CCDC175: variants seen among roughly 807,000 people sequenced by gnomAD.
CCDC175 encodes coiled-coil domain containing 175.
A neutral mutation model predicts 114.6 loss-of-function variants in CCDC175; 100 were observed. That is an observed-to-expected ratio of 0.87 (90% CI 0.74 to 1.03). The LOEUF (loss-of-function observed/expected upper bound fraction) is 1.03, where lower values mean the gene tolerates loss of function less well. Ranked by LOEUF, CCDC175 falls within the 50% of genes least tolerant of loss-of-function variation. The pLI, the probability that CCDC175 is intolerant of heterozygous loss-of-function variation, is 0.00. For missense variants in CCDC175, 880 were observed against 917.8 expected (o/e 0.96, Z 0.53); for synonymous variants, 306 against 308.7 (o/e 0.99, Z 0.09).
chr14:59,513,678 C>T (rs1483810745), intron 17 of CCDC175, among the ~76,000 whole-genome samples: 3 of 152,182 alleles, frequency 2.0e-5, no homozygotes, highest in Non-Finnish European at 2.9e-5. Flanking sequence ...GAAGCTCAAA[C>T]TGGGTAGAGC....
intron 13 of CCDC175, among the ~76,000 whole-genome samples, chr14:59,533,644 GAAGC>G (rs1566608765): frequency 1.3e-5 from 2 of 152,140 alleles, no homozygotes; most frequent in Non-Finnish European, 2.9e-5. Flanking sequence ...TCATAATGCA[GAAGC>G]AGGAGTACAT....
intron 15 of CCDC175, 39 bp downstream of exon 15, chr14:59,527,056 A>C (rs1893784039): frequency 9.0e-7 from 1 of 1,113,508 alleles, no homozygotes; most frequent in African/African-American, 1.6e-5. Context: ...CACTATTCTA[A>C]TAATAATAAA....
chr14:59,517,434 C>T (rs1374411870), intron 17 of CCDC175, among the ~76,000 whole-genome samples: 1 of 152,092 alleles, frequency 6.6e-6, no homozygotes, highest in African/African-American at 2.4e-5. Context: ...TTGTCTCAGC[C>T]CAAAATCTCC....
intron 3 of CCDC175, among the ~76,000 whole-genome samples, chr14:59,571,160 A>G (rs1473650136): frequency 6.6e-6 from 1 of 152,036 alleles, no homozygotes; most frequent in East Asian, 1.9e-4. Context: ...AAAAAAAAAA[A>G]AAAAAAAGAG....
intron 19 of CCDC175, among the ~76,000 whole-genome samples, chr14:59,510,216 G>A (rs1309505092): frequency 6.6e-6 from 1 of 152,150 alleles, no homozygotes; most frequent in Non-Finnish European, 1.5e-5. Context: ...GATATGATGT[G>A]TTAACATCTC....
intron 17 of CCDC175, among the ~76,000 whole-genome samples, chr14:59,517,004 G>C (rs1893132658): frequency 6.6e-6 from 1 of 152,286 alleles, no homozygotes; most frequent in Admixed American, 6.5e-5. Flanking sequence ...GGGATGCAAG[G>C]CTGGTTCAAC....
At chr14:59,560,810 G>A (rs1021370627) in intron 7 of CCDC175, among the ~76,000 whole-genome samples, 12 of 152,174 alleles carry the variant, frequency 7.9e-5, no homozygotes, top group African/African-American at 2.6e-4. Context: ...CACTAATGCC[G>A]TCCCTCATGG....
intron 8 of CCDC175, among the ~76,000 whole-genome samples, chr14:59,550,816 C>T (rs1427399018): frequency 2.0e-5 from 3 of 152,092 alleles, no homozygotes; most frequent in East Asian, 3.9e-4. Flanking sequence ...TTAGATGCTG[C>T]CCACCCAGAT....
chr14:59,527,198 A>G (rs1290990196), intron 14 of CCDC175, 24 bp from the exon 15 acceptor site: 4 of 1,223,446 alleles, frequency 3.3e-6, no homozygotes, highest in Admixed American at 3.1e-5. Context: ...GAAAAAAATA[A>G]CTACCTCAAA....
chr14:59,523,176 AAG>A (rs1254317701), intron 16 of CCDC175, among the ~76,000 whole-genome samples: 1 of 152,268 alleles, frequency 6.6e-6, no homozygotes, highest in Non-Finnish European at 1.5e-5. Flanking sequence ...TCTTGATAGG[AAG>A]ACAGTCTAGT....
At chr14:59,550,103 T>A (rs2140067423) in intron 8 of CCDC175, among the ~76,000 whole-genome samples, 1 of 152,262 alleles carries the variant, frequency 6.6e-6, no homozygotes, top group African/African-American at 2.4e-5. Flanking sequence ...GAAATGGGGT[T>A]TCACCATATT....
intron 7 of CCDC175, among the ~76,000 whole-genome samples, chr14:59,554,649 A>G (rs945988485): frequency 8.5e-5 from 13 of 152,242 alleles, no homozygotes; most frequent in African/African-American, 3.1e-4. Flanking sequence ...GACATAAAAA[A>G]CCCTTCAAAA....
intron 7 of CCDC175, among the ~76,000 whole-genome samples, chr14:59,554,517 A>G (rs1410634844): frequency 1.3e-5 from 2 of 152,264 alleles, no homozygotes; most frequent in Non-Finnish European, 2.9e-5. Flanking sequence ...AAAGCAGGAA[A>G]GATCTAAAAT....
At chr14:59,535,760 T>C (rs917500715) in intron 13 of CCDC175, among the ~76,000 whole-genome samples, 3 of 152,262 alleles carry the variant, frequency 2.0e-5, no homozygotes, top group African/African-American at 7.2e-5. Flanking sequence ...GTACTTATGA[T>C]GGCCTATAAG....
At chr14:59,573,974 C>G (rs1896972063) in intron 2 of CCDC175, among the ~76,000 whole-genome samples, 1 of 152,132 alleles carries the variant, frequency 6.6e-6, no homozygotes, top group Non-Finnish European at 1.5e-5. Context: ...AGACTAGATA[C>G]TTTAACCACA....
chr14:59,548,840 T>C (rs1263338179), intron 8 of CCDC175, among the ~76,000 whole-genome samples: 1 of 152,160 alleles, frequency 6.6e-6, no homozygotes, highest in African/African-American at 2.4e-5. Flanking sequence ...TTGGTACAAA[T>C]CATTCTTCTG....
intron 8 of CCDC175, among the ~76,000 whole-genome samples, chr14:59,547,982 G>T (rs768980889): frequency 1.8e-4 from 27 of 152,106 alleles, no homozygotes; most frequent in Non-Finnish European, 3.1e-4. Context: ...AATCAGTATG[G>T]CAAAGAGATA....
At position 59,521,840 on chromosome 14, in the gene CCDC175, T is replaced by C. The variant is rs532184658; in HGVS notation, c.1996-164A>G. 3.3e-5 allele frequency among the ~76,000 whole-genome samples: 5 copies of C among 152,306 alleles called. No individual in the cohort carries two copies. The South Asian group carries it at 6.2e-4, about 19-fold the overall frequency. ...AAAACATACCTTGGTCAGGATTCCA[T>C]CCTGGGAAAGGAGATAAAGGATTCT... On this transcript the variant is annotated intron_variant, in intron 16 of 19. Transcript: ENST00000537690.
intron 10 of CCDC175, among the ~76,000 whole-genome samples, chr14:59,541,599 A>G (rs1485249972): frequency 2.6e-5 from 4 of 152,172 alleles, no homozygotes; most frequent in African/African-American, 9.7e-5. Flanking sequence ...TCAATTTCCT[A>G]CCAAAATAAA....
Sources: gnomAD v4.1 joint callset for allele counts (sites outside exome capture counted in the v4.1 genomes callset) on GRCh38, gnomAD v4.1.1 for gene constraint, MANE v1.5 for transcripts, NCBI Gene and HGNC (gene_info 2026-07-23, HGNC 2026-07-21) for gene names.